HK2: variants seen among roughly 807,000 people sequenced by gnomAD.
HK2 encodes the protein hexokinase-2.
In HK2, 42 loss-of-function variants were observed where a neutral mutation model predicts 92.9. The observed-to-expected ratio is 0.45, with a 90% CI of 0.35 to 0.58. HK2 has a LOEUF of 0.58. HK2 is among the 20% of genes least tolerant of loss of function. HK2 has a pLI of 0.00. For synonymous variants in HK2, 422 were observed against 468.0 expected (o/e 0.90, Z 1.27); for missense variants, 978 against 1,245.1 (o/e 0.79, Z 3.23).
intron 2 of HK2, among the ~76,000 whole-genome samples, chr2:74,857,426 C>A (rs1047719500): frequency 6.6e-6 from 1 of 152,204 alleles, no homozygotes; most frequent in Non-Finnish European, 1.5e-5. Flanking sequence ...TCAGCAATTC[C>A]ACTTCCAACT....
At chr2:74,881,585 C>G in intron 10 of HK2, 126 bp from the exon 11 acceptor site, 1 of 972,200 alleles carries the variant, frequency 1.0e-6, no homozygotes, top group Non-Finnish European at 1.6e-6. Flanking sequence ...CTTCTGTATT[C>G]TAGAATGTAA....
intron 4 of HK2, 73 bp from the exon 5 acceptor site, chr2:74,873,203 G>T: frequency 9.3e-7 from 1 of 1,069,522 alleles, no homozygotes; most frequent in Non-Finnish European, 1.5e-6. Flanking sequence ...TGCTAATGAC[G>T]GAGGTTTGAG....
chr2:74,873,743 GAGA>G (rs1185829204), intron 5 of HK2, 98 bp from the exon 6 acceptor site: 3 of 752,068 alleles, frequency 4.0e-6, no homozygotes, highest in East Asian at 5.3e-5. Flanking sequence ...GGGAGAGAGA[GAGA>G]AGGAGGAGGA....
chr2:74,853,891 C>A (rs989595635), intron 1 of HK2, among the ~76,000 whole-genome samples: 1 of 152,054 alleles, frequency 6.6e-6, no homozygotes, highest in African/African-American at 2.4e-5. Flanking sequence ...AAGGTGATGG[C>A]TACCTGGCCT....
chr2:74,876,512 C>T (rs956013173), intron 7 of HK2, among the ~76,000 whole-genome samples: 3 of 152,206 alleles, frequency 2.0e-5, no homozygotes, highest in Non-Finnish European at 2.9e-5. Context: ...GTTTGGGGGC[C>T]GTCCCCTGCC....
chr2:74,880,445 C>G lies in HK2; in HGVS notation c.1446C>G (p.Asp482Glu). The G allele has an allele frequency of 1.9e-6, 3 of 1,614,214 alleles. No individual in the cohort carries two copies. Among genetic ancestry groups the G allele is most frequent in the Middle Eastern group, 1.6e-4 (1 of 6,062 alleles). Residue 482 changes from aspartate to glutamate, a missense_variant, in exon 10 of 18, where the codon GAC (aspartate) becomes GAG (glutamate). Physicochemically the swap from Asp to Glu is conservative, Grantham distance 45 (BLOSUM62 2). Transcript: ENST00000290573. ...TAGAGCATCTGCAGCTGAGCCATGA[C>G]CAGCTGCTGGAGGTCAAGAGGAGGA... ...KTLEHLQLSH[D>E]QLLEVKRRMK...
chr2:74,861,313 G>C (rs547371600), intron 2 of HK2, among the ~76,000 whole-genome samples: 1 of 152,178 alleles, frequency 6.6e-6, no homozygotes, highest in African/African-American at 2.4e-5. Flanking sequence ...CCCAGCTACT[G>C]GGGGGCTGAG....
At chr2:74,873,227 G>A (rs1689142417) in intron 4 of HK2, 49 bp from the exon 5 acceptor site, 1 of 1,388,854 alleles carries the variant, frequency 7.2e-7, no homozygotes, top group East Asian at 2.3e-5. Context: ...TGTGGTGTGA[G>A]TTTCAGTTTT....
chr2:74,845,732 G>A (rs918741090), intron 1 of HK2, among the ~76,000 whole-genome samples: 3 of 152,240 alleles, frequency 2.0e-5, no homozygotes, highest in Non-Finnish European at 2.9e-5. Context: ...ATCTGAAGAA[G>A]TGGCATAGGA....
intron 1 of HK2, among the ~76,000 whole-genome samples, chr2:74,844,819 G>A (rs1041085073): frequency 7.2e-5 from 11 of 152,212 alleles, no homozygotes; most frequent in East Asian, 1.9e-4. Flanking sequence ...AGCAAGGCCC[G>A]ACACAGAGCA....
At chr2:74,881,353 C>T (rs1689386636) in intron 10 of HK2, among the ~76,000 whole-genome samples, 1 of 152,168 alleles carries the variant, frequency 6.6e-6, no homozygotes, top group African/African-American at 2.4e-5. Flanking sequence ...CCTGCTCTAC[C>T]CTGTCCTGGT....
intron 1 of HK2, among the ~76,000 whole-genome samples, chr2:74,836,005 G>A (rs1389639958): frequency 6.6e-6 from 1 of 152,176 alleles, no homozygotes; most frequent in East Asian, 1.9e-4. Context: ...AGCAGAGGCG[G>A]TTGATTTACT....
chr2:74,843,595 C>A (rs148834861), intron 1 of HK2, among the ~76,000 whole-genome samples: 1,697 of 152,268 alleles, frequency 0.011, 14 homozygotes, highest in Middle Eastern at 0.027. Flanking sequence ...GCTCTGGAAG[C>A]CCTTGGGGCC....
At position 74,876,868 on chromosome 2, in the gene HK2, C is replaced by T. The variant is rs3771761; in HGVS notation, c.876-298C>T. 7.6e-3 allele frequency among the ~76,000 whole-genome samples: 1,163 copies of T among 152,336 alleles called. 113 individuals are homozygous for T. The East Asian group carries it at 0.2, about 26-fold the overall frequency. On this transcript the variant is annotated intron_variant, in intron 7 of 17. Coordinates refer to ENST00000290573, the MANE Select transcript of HK2 (RefSeq NM_000189.5). The stretch of plus-strand genomic sequence containing the variant: ...AAGAATTTTAAAGATTACCACCCTA[C>T]GCATAACTTTACCTAAAATACAGGC...
At chr2:74,888,564 A>G (rs1484528804) in intron 16 of HK2, among the ~76,000 whole-genome samples, 1 of 152,222 alleles carries the variant, frequency 6.6e-6, no homozygotes, top group Non-Finnish European at 1.5e-5. Flanking sequence ...AGAACAGTGA[A>G]TTTCAGAGCC....
intron 15 of HK2, among the ~76,000 whole-genome samples, chr2:74,887,356 G>C (rs1287608425): frequency 1.3e-5 from 2 of 150,252 alleles, no homozygotes; most frequent in Admixed American, 1.3e-4. Flanking sequence ...TAGGGACCTC[G>C]TTTTTTTTTC....
chr2:74,891,122 TTAAGA>T lies in HK2; in HGVS notation c.*185_*189del, dbSNP rs916097547. The T allele has an allele frequency of 7.7e-6, 5 of 653,052 alleles. No homozygotes were observed. The African/African-American group carries it at 9.1e-5, about 12-fold the overall frequency. 40.5% of individuals were successfully genotyped at this position (653,052 alleles called of 1,614,324 possible). On this transcript the variant is annotated 3_prime_UTR_variant, in exon 18 of 18. Coordinates refer to ENST00000290573, the MANE Select transcript of HK2 (RefSeq NM_000189.5). The stretch of plus-strand genomic sequence containing the variant: ...AGCTTGGTGGCTGAGCTTGGCCCTA[TTAAGA>T]TAAATAGAGTTCCAAATAAGGATTT...
At chr2:74,869,941 T>G (rs2103946452) in intron 3 of HK2, among the ~76,000 whole-genome samples, 1 of 152,248 alleles carries the variant, frequency 6.6e-6, no homozygotes, top group East Asian at 1.9e-4. Flanking sequence ...CATCGAGCCC[T>G]TGAAGTGTGG....
intron 7 of HK2, among the ~76,000 whole-genome samples, chr2:74,874,998 C>T (rs1219751631): frequency 1.3e-5 from 2 of 152,170 alleles, no homozygotes; most frequent in African/African-American, 4.8e-5. Context: ...CAACTATGTC[C>T]TGGGATGGAT....
Sources: allele counts gnomAD v4.1 joint callset (sites outside exome capture counted in the v4.1 genomes callset), GRCh38; gene constraint gnomAD v4.1.1; transcripts MANE v1.5; gene names NCBI Gene and HGNC (gene_info 2026-07-23, HGNC 2026-07-21).